Variants in ARMH4 observed in about 807,000 individuals in gnomAD.
ARMH4 encodes the protein armadillo-like helical domain-containing protein 4.
Under a neutral mutation model 61.9 loss-of-function variants are expected in ARMH4, and 49 were observed. The observed-to-expected ratio is 0.79, with a 90% CI of 0.63 to 1.00. The LOEUF (loss-of-function observed/expected upper bound fraction) is 1.00. Ranked by LOEUF, ARMH4 falls within the 50% of genes least tolerant of loss-of-function variation. The pLI, the probability that ARMH4 is intolerant of heterozygous loss-of-function variation, is 0.00. For missense variants in ARMH4, 934 were observed against 930.0 expected (o/e 1.00, Z -0.06); for synonymous variants, 368 against 341.5 (o/e 1.08, Z -0.85).
At chr14:58,078,298 T>A (rs1253416864) in intron 5 of ARMH4, among the ~76,000 whole-genome samples, 3 of 152,200 alleles carry the variant, frequency 2.0e-5, no homozygotes, top group African/African-American at 7.2e-5. Flanking sequence ...AATGTTTATA[T>A]CCCACACATG....
intron 5 of ARMH4, among the ~76,000 whole-genome samples, chr14:58,015,769 A>G (rs12586584): frequency 0.23 from 34,268 of 149,708 alleles, 4,451 homozygotes; most frequent in Non-Finnish European, 0.3. Context: ...AAAAAAAAAA[A>G]AAGATGATGG....
Position 58,004,580 on chromosome 14 carries a change from C to T in ARMH4, c.*156G>A, listed in dbSNP as rs1470744057. The T allele has an allele frequency of 8.0e-6, 5 of 623,452 alleles. No individual in the cohort carries two copies. The East Asian group carries it at 1.3e-4, about 16-fold the overall frequency. 38.6% of individuals were successfully genotyped at this position (623,452 alleles called of 1,614,324 possible). ...TAGTATACAACATGCCATTTCTGCTCAGTACAAGAAAAATCTACTACCCAG... is the reference window on the plus strand; with the variant it reads ...TAGTATACAACATGCCATTTCTGCTTAGTACAAGAAAAATCTACTACCCAG... On this transcript the variant is annotated 3_prime_UTR_variant, in exon 8 of 8. Transcript: ENST00000267485.
chr14:58,141,363 CA>C, intron 1 of ARMH4: 1 of 504,492 alleles, frequency 2.0e-6, no homozygotes, highest in Non-Finnish European at 4.0e-6. Flanking sequence ...ATGTCAAAAC[CA>C]AAATTCAGGA....
At chr14:58,024,315 A>G (rs1220334029) in intron 5 of ARMH4, among the ~76,000 whole-genome samples, 2 of 152,090 alleles carry the variant, frequency 1.3e-5, no homozygotes, top group Non-Finnish European at 2.9e-5. Flanking sequence ...CTGTACTTTT[A>G]TATTATGGAG....
chr14:58,124,215 C>T (rs1256708476), intron 4 of ARMH4, among the ~76,000 whole-genome samples: 1 of 152,206 alleles, frequency 6.6e-6, no homozygotes. Flanking sequence ...GCAGAAGCAG[C>T]TTTCCAGGCC....
At position 58,097,131 on chromosome 14, in the gene ARMH4, T is replaced by C. The variant is rs889668163; in HGVS notation, c.1832-150A>G. ...AGCCAAAGTCAGACAATGTGAACTT[T>C]GCAGGATTATACACCCACCATATGT... On this transcript the variant is annotated intron_variant, in intron 4 of 7. Coordinates refer to ENST00000267485, the MANE Select transcript of ARMH4 (RefSeq NM_001001872.4). 6 of 873,752 alleles carry C rather than the reference T, an allele frequency of 6.9e-6. No homozygotes were observed. In the African/African-American group the frequency reaches 1.0e-4, roughly 15 times the overall value. 54.1% of individuals were successfully genotyped at this position (873,752 alleles called of 1,614,324 possible). A position where few individuals can be genotyped will look rare whatever the true frequency, so the allele number is the denominator to read the frequency against.
chr14:58,144,418 A>G lies in ARMH4; in HGVS notation c.-56-5004T>C, dbSNP rs373116141. 7.6e-4 allele frequency among the ~76,000 whole-genome samples: 116 copies of G among 152,212 alleles called. No individual in the cohort carries two copies. In the South Asian group the frequency reaches 0.017, roughly 22 times the overall value. On this transcript the variant is annotated intron_variant, in intron 1 of 7. Transcript: ENST00000267485. The stretch of plus-strand genomic sequence containing the variant: ...TCTCTACAAAATGAGCCAGGCACAC[A>G]CCAGTAGTCCTAGTTACTCAGGAGG...
In ARMH4 at chr14:58,004,507, T is replaced by C; in HGVS notation, c.*229A>G. Reference sequence around the variant, plus strand: ...CATATTTATGAGTTGTAGCCCACGGTTGTGGAAAATTCACTACAGAATAAA... The same window carrying C: ...CATATTTATGAGTTGTAGCCCACGGCTGTGGAAAATTCACTACAGAATAAA... On this transcript the variant is annotated 3_prime_UTR_variant, in exon 8 of 8. Coordinates refer to ENST00000267485, the MANE Select transcript of ARMH4 (RefSeq NM_001001872.4). 5.1e-6 allele frequency: 2 copies of C among 395,186 alleles called. No individual in the cohort carries two copies. The highest frequency in any genetic ancestry group is 3.6e-5 in the East Asian group (1 of 27,856). 24.5% of individuals were successfully genotyped at this position (395,186 alleles called of 1,614,324 possible).
intron 5 of ARMH4, among the ~76,000 whole-genome samples, chr14:58,054,879 AAAAAAAT>A (rs1362332146): frequency 2.3e-5 from 3 of 132,204 alleles, no homozygotes; most frequent in Admixed American, 2.1e-4. Context: ...CAAAAAAAAA[AAAAAAAT>A]AATAATAATA....
At chr14:58,022,800 C>T (rs767110624) in intron 5 of ARMH4, among the ~76,000 whole-genome samples, 1 of 152,168 alleles carries the variant, frequency 6.6e-6, no homozygotes, top group Non-Finnish European at 1.5e-5. Context: ...ACATTAAAAC[C>T]AACCACAGAC....
At chr14:58,049,703 C>A (rs924169066) in intron 5 of ARMH4, among the ~76,000 whole-genome samples, 5 of 148,766 alleles carry the variant, frequency 3.4e-5, no homozygotes, top group Middle Eastern at 3.4e-3. Context: ...GTGGCTGTCA[C>A]AAAAAAAAAT....
intron 5 of ARMH4, among the ~76,000 whole-genome samples, chr14:58,073,496 CTT>C (rs993575897): frequency 2.0e-5 from 3 of 152,174 alleles, no homozygotes; most frequent in African/African-American, 7.2e-5. Context: ...TGTTCACTGA[CTT>C]TGAGTTCTAA....
At chr14:58,134,043 G>A (rs1887219254) in intron 2 of ARMH4, among the ~76,000 whole-genome samples, 1 of 152,122 alleles carries the variant, frequency 6.6e-6, no homozygotes, top group African/African-American at 2.4e-5. Flanking sequence ...GCTATAAAAT[G>A]GGGATAATAA....
At chr14:58,038,915 T>C (rs867381366) in intron 5 of ARMH4, among the ~76,000 whole-genome samples, 1 of 152,126 alleles carries the variant, frequency 6.6e-6, no homozygotes, top group African/African-American at 2.4e-5. Flanking sequence ...CCTAGAGAGA[T>C]CCCTAAGAAA....
chr14:58,064,770 G>A (rs1884648004), intron 5 of ARMH4, among the ~76,000 whole-genome samples: 1 of 152,094 alleles, frequency 6.6e-6, no homozygotes. Flanking sequence ...GATCAAGCAG[G>A]GTTAACACTA....
intron 5 of ARMH4, among the ~76,000 whole-genome samples, chr14:58,018,073 G>A (rs1013948361): frequency 3.3e-5 from 5 of 152,212 alleles, no homozygotes; most frequent in Admixed American, 1.3e-4. Context: ...ATATCCACAC[G>A]CAAAAGAATA....
At chr14:58,146,971 G>A (rs1449482795) in intron 1 of ARMH4, among the ~76,000 whole-genome samples, 1 of 152,092 alleles carries the variant, frequency 6.6e-6, no homozygotes, top group Non-Finnish European at 1.5e-5. Context: ...AGAAACTGGT[G>A]ACAGTTCGCT....
chr14:58,152,037 G>A (rs1887947735), intron 1 of ARMH4, 38 bp downstream of exon 1: 1 of 152,650 alleles, frequency 6.6e-6, no homozygotes, highest in African/African-American at 2.4e-5. Flanking sequence ...GTCTGCAGCC[G>A]CGGCCGCCCA....
chr14:58,108,384 A>G (rs10873108), intron 4 of ARMH4, among the ~76,000 whole-genome samples: 86,418 of 151,974 alleles, frequency 0.57, 24,950 homozygotes, highest in Middle Eastern at 0.66. Context: ...ATGAACCCCA[A>G]AGAACTCACT....
Sources: allele counts gnomAD v4.1 joint callset (sites outside exome capture counted in the v4.1 genomes callset), GRCh38; gene constraint gnomAD v4.1.1; transcripts MANE v1.5; gene names NCBI Gene and HGNC (gene_info 2026-07-23, HGNC 2026-07-21).